ADCY9: variants seen among roughly 807,000 people sequenced by gnomAD.
ADCY9 encodes the protein adenylate cyclase type 9.
ADCY9 carries 50 observed loss-of-function variants against 101.5 expected under a neutral mutation model. That is an observed-to-expected ratio of 0.49 (90% CI 0.39 to 0.62). The LOEUF is 0.62. Among genes scored for constraint, ADCY9 ranks in the 20% least tolerant of loss-of-function variants. The pLI, the probability that ADCY9 is intolerant of heterozygous loss-of-function variation, is 0.00. For synonymous variants in ADCY9, 905 were observed against 769.3 expected, an observed-to-expected ratio of 1.18 and a Z score of -2.92; for missense variants, 1,662 against 1,800.4, an observed-to-expected ratio of 0.92 and a Z score of 1.39.
chr16:4,005,932 C>T (rs919164924), intron 3 of ADCY9, among the ~76,000 whole-genome samples: 4 of 152,174 alleles, frequency 2.6e-5, no homozygotes, highest in African/African-American at 9.7e-5. Context: ...TGCCCGGGTC[C>T]GCTGTCTAGG....
In ADCY9 at chr16:4,115,254, G is replaced by T. The variant is rs1178383715; in HGVS notation, c.189C>A (p.Val63=). 2 of 1,613,418 alleles carry T rather than the reference G, an allele frequency of 1.2e-6. No individual in the cohort carries two copies. The highest frequency in any genetic ancestry group is 1.7e-6 in the Non-Finnish European group (2 of 1,179,640). Residue 63 remains valine, a synonymous_variant, in exon 2 of 11, where the codon GTC becomes GTA. Transcript: ENST00000294016. The surrounding 1 kb of genome is among the most constrained non-coding windows in gnomAD (Gnocchi z 6.2). ...GGCCTCCGCCGCCCACTCGCCGGGG[G>T]ACGCCCCCGGAGTCCCCAGAGCTGC... ...SCSSSGDSGG[V]PRRVGGGGRL...
chr16:4,031,806 G>A (rs1323861813), intron 2 of ADCY9, among the ~76,000 whole-genome samples: 1 of 151,972 alleles, frequency 6.6e-6, no homozygotes, highest in African/African-American at 2.4e-5. Context: ...GAGCCTGGGA[G>A]GTCGAGGCAG....
At chr16:3,984,887 G>A (rs1313960652) in intron 6 of ADCY9, among the ~76,000 whole-genome samples, 3 of 152,182 alleles carry the variant, frequency 2.0e-5, no homozygotes, top group East Asian at 1.9e-4. Flanking sequence ...AACCAGCTCC[G>A]GGTGCCTCGA....
intron 3 of ADCY9, among the ~76,000 whole-genome samples, chr16:3,997,731 G>A (rs1041054819): frequency 3.9e-5 from 6 of 152,306 alleles, no homozygotes; most frequent in African/African-American, 7.2e-5. Context: ...TCCAGGCCGC[G>A]CTGGGTGGCA....
At chr16:4,113,630 T>C (rs1484013248) in intron 2 of ADCY9, 120 bp downstream of exon 2, 5 of 1,301,626 alleles carry the variant, frequency 3.8e-6, no homozygotes, top group Non-Finnish European at 5.3e-6. Flanking sequence ...GATCCCCCCA[T>C]GGTAAGGCAT....
In ADCY9 at chr16:4,039,898, G is replaced by A. The variant is rs555837021; in HGVS notation, c.1694-32340C>T. Among the ~76,000 whole-genome samples the A allele has an allele frequency of 2.6e-5, 4 of 152,168 alleles. No individual in the cohort carries two copies. In the South Asian group the frequency reaches 8.3e-4, roughly 32 times the overall value. ...TACGAAAAATGCAAAAATTAGCTGG[G>A]CATGATGGTGCACACCTGTAGTCCC... is the stretch of plus-strand genomic sequence containing the variant. On this transcript the variant is annotated intron_variant, in intron 2 of 10. Coordinates refer to ENST00000294016, the MANE Select transcript of ADCY9 (RefSeq NM_001116.4).
intron 2 of ADCY9, among the ~76,000 whole-genome samples, chr16:4,010,979 T>C (rs2283494): frequency 0.41 from 62,539 of 151,998 alleles, 13,266 homozygotes; most frequent in South Asian, 0.51. Context: ...GCCTTGATCT[T>C]GGACTTCCCA....
Position 4,115,752 on chromosome 16 carries a change from G to A in ADCY9, c.-106C>T, listed in dbSNP as rs1162539316. 4.9e-6 allele frequency: 2 copies of A among 406,844 alleles called. No homozygotes were observed. Among genetic ancestry groups the A allele is most frequent in the Non-Finnish European group, 8.7e-6 (2 of 231,188 alleles). The allele number at this position is 406,844 out of a possible 1,614,324, so 25.2% of individuals were successfully genotyped here. A position where few individuals can be genotyped will look rare whatever the true frequency, so the allele number is the denominator to read the frequency against. ...GGCTCCGGGACCGCTTTGCTCGCTC[G>A]CCTTCCGCGCCTCTCGCCCCGAGGG... On this transcript the variant is annotated 5_prime_UTR_variant, in exon 1 of 11. Transcript: ENST00000294016. This position sits in a 1 kb window ranked among gnomAD's most constrained non-coding sequence, Gnocchi z 6.2.
intron 2 of ADCY9, among the ~76,000 whole-genome samples, chr16:4,064,556 T>TC: frequency 6.6e-6 from 1 of 152,150 alleles, no homozygotes; most frequent in Non-Finnish European, 1.5e-5. Context: ...CACTGCAGCC[T>TC]CAGTTTCCTG....
chr16:4,115,276 C>A lies in ADCY9; in HGVS notation c.167G>T (p.Ser56Ile). 6.2e-7 allele frequency: 1 copy of A among 1,613,762 alleles called. No individual in the cohort carries two copies. Among genetic ancestry groups the A allele is most frequent in the Non-Finnish European group, 8.5e-7 (1 of 1,179,846 alleles). The change falls in exon 2 of 11, where the codon AGC becomes ATC. Residue 56 changes from serine (S) to isoleucine (I), a missense_variant. This residue lies in a region of ADCY9 where 422 missense variants were observed against 392.0 expected (regional missense o/e 1.08). Transcript: ENST00000294016. The surrounding 1 kb of genome is among the most constrained non-coding windows in gnomAD (Gnocchi z 6.2). Reference sequence around the variant, plus strand: ...GGGGACGCCCCCGGAGTCCCCAGAGCTGCTGCAGCTAGAGGAGATGCTGTA... The same window carrying A: ...GGGGACGCCCCCGGAGTCCCCAGAGATGCTGCAGCTAGAGGAGATGCTGTA... ...CKYSISSSCS[S>I]SGDSGGVPRR... is the part of the protein sequence containing the mutation.
chr16:3,955,909 G>T (rs944404689), intron 5 of ADCY9, among the ~76,000 whole-genome samples: 1 of 151,854 alleles, frequency 6.6e-6, no homozygotes, highest in Non-Finnish European at 1.5e-5. Context: ...TGTTGCCTAG[G>T]CTGGAGTGCA....
At chr16:3,996,541 G>A (rs1455438811) in intron 3 of ADCY9, among the ~76,000 whole-genome samples, 1 of 152,172 alleles carries the variant, frequency 6.6e-6, no homozygotes, top group East Asian at 1.9e-4. Flanking sequence ...GTGCTTGATG[G>A]GGCACACCAG....
intron 2 of ADCY9, among the ~76,000 whole-genome samples, chr16:4,058,222 G>C (rs1004882718): frequency 1.3e-5 from 2 of 151,280 alleles, no homozygotes; most frequent in Admixed American, 6.6e-5. Context: ...CCAACACTTT[G>C]GGAGGCCAAG....
intron 2 of ADCY9, among the ~76,000 whole-genome samples, chr16:4,024,822 G>C (rs1468417457): frequency 6.6e-6 from 1 of 152,100 alleles, no homozygotes; most frequent in Admixed American, 6.6e-5. Flanking sequence ...TAAAAGTTTA[G>C]GGGGCAAAAT....
chr16:4,074,837 T>C (rs928560894), intron 2 of ADCY9, among the ~76,000 whole-genome samples: 2 of 152,056 alleles, frequency 1.3e-5, no homozygotes, highest in Non-Finnish European at 2.9e-5. Context: ...CAAAAGGTTG[T>C]TCTGAATCTC....
At chr16:4,017,866 C>T (rs550819006) in intron 2 of ADCY9, among the ~76,000 whole-genome samples, 2 of 152,204 alleles carry the variant, frequency 1.3e-5, no homozygotes, top group African/African-American at 4.8e-5. Context: ...AACCTAAAAA[C>T]GCCGGGCCGA....
At chr16:3,969,292 G>C (rs2056026600) in intron 10 of ADCY9, among the ~76,000 whole-genome samples, 1 of 151,278 alleles carries the variant, frequency 6.6e-6, no homozygotes, top group African/African-American at 2.4e-5. Flanking sequence ...CTCTAGCCCG[G>C]GCTGGCATGC....
intron 2 of ADCY9, among the ~76,000 whole-genome samples, chr16:4,105,677 CAAA>C (rs35983934): frequency 1.8e-4 from 15 of 81,608 alleles, no homozygotes; most frequent in African/African-American, 3.1e-4. Context: ...GACTCCGTCT[CAAA>C]AAAAAAAAAA....
chr16:4,037,188 C>T (rs908858077), intron 2 of ADCY9, among the ~76,000 whole-genome samples: 2 of 152,198 alleles, frequency 1.3e-5, no homozygotes, highest in Middle Eastern at 3.4e-3. Context: ...CATGGTGGTA[C>T]ATGCCTGTGG....
Sources: gnomAD v4.1 joint callset for allele counts (sites outside exome capture counted in the v4.1 genomes callset) on GRCh38, gnomAD v4.1.1 for gene constraint, gnomAD v4.1.1 regional missense constraint, Gnocchi (gnomAD v3.1) non-coding constraint, MANE v1.5 for transcripts, NCBI Gene and HGNC (gene_info 2026-07-23, HGNC 2026-07-21) for gene names.